Variants in PCDHGB2 observed in about 807,000 individuals in gnomAD.
The protein encoded by PCDHGB2 is protocadherin gamma subfamily B, 2, also known as protocadherin gamma-B2.
A neutral mutation model predicts 59.3 loss-of-function variants in PCDHGB2; 55 were observed. The observed-to-expected ratio is 0.93, with a 90% CI of 0.75 to 1.16. PCDHGB2 has a LOEUF of 1.16. Ranked by LOEUF, PCDHGB2 falls within the 50% of genes most tolerant of loss-of-function variation. PCDHGB2 has a pLI of 0.00. For missense variants in PCDHGB2, 1,228 were observed against 1,198.5 expected (o/e 1.02, Z -0.36); for synonymous variants, 516 against 512.0 (o/e 1.01, Z -0.11).
At chr5:141,405,355 A>G in intron 1 of PCDHGB2, 2 of 1,613,990 alleles carry the variant, frequency 1.2e-6, no homozygotes, top group South Asian at 1.1e-5. Flanking sequence ...AGTTTCCTAT[A>G]GAAGACACCC....
Position 141,360,632 on chromosome 5 carries a change from C to T in PCDHGB2, c.497C>T (p.Ser166Leu), listed in dbSNP as rs1367186780. 6.2e-7 allele frequency: 1 copy of T among 1,613,902 alleles called. No homozygotes were observed. Among genetic ancestry groups the T allele is most frequent in the Admixed American group, 1.7e-5 (1 of 60,014 alleles). Residue 166 changes from serine to leucine, a missense_variant, in exon 1 of 4, where the codon TCA (serine) becomes TTA (leucine). Around this residue, in one of 3 missense-constraint regions of PCDHGB2, gnomAD observed 781 missense variants for 721.6 expected, o/e 1.08. Transcript: ENST00000522605. ...CTGGATTCAGATGTTGGTCCTAACT[C>T]ACTACAAAGATACCACCTTAATGAC... ...PALDSDVGPN[S>L]LQRYHLNDNE...
Position 141,476,383 on chromosome 5 carries a change from C to G in PCDHGB2, c.2422-18424C>G, listed in dbSNP as rs547854431. ...GGGAGACCGGAGAGATGTTTGTGAACGACCGTCTGGATCGAGAGGAGCTGT... is the reference window on the plus strand; with the variant it reads ...GGGAGACCGGAGAGATGTTTGTGAAGGACCGTCTGGATCGAGAGGAGCTGT... On this transcript the variant is annotated intron_variant, in intron 1 of 3. Transcript: ENST00000522605. The surrounding 1 kb of genome is among the most constrained non-coding windows in gnomAD (Gnocchi z 7.6). 1.2e-6 allele frequency: 2 copies of G among 1,614,102 alleles called. No homozygotes were observed. Among genetic ancestry groups the G allele is most frequent in the Middle Eastern group, 3.3e-4 (2 of 6,062 alleles).
At chr5:141,376,521 C>T (rs567480751) in intron 1 of PCDHGB2, 5 of 1,613,810 alleles carry the variant, frequency 3.1e-6, no homozygotes, top group East Asian at 4.5e-5. Context: ...AGTTTCTTTC[C>T]GCCTAAGCGG....
intron 1 of PCDHGB2, among the ~76,000 whole-genome samples, chr5:141,443,866 T>C (rs1017854695): frequency 6.6e-6 from 1 of 151,986 alleles, no homozygotes; most frequent in Non-Finnish European, 1.5e-5. Context: ...ACTGAAAAAA[T>C]TACTGATAAG....
rs1054594374 is a variant in PCDHGB2 at position 141,489,607 on chromosome 5, A to G, written c.2422-5200A>G. On this transcript the variant is annotated intron_variant, in intron 1 of 3. Coordinates refer to ENST00000522605, the MANE Select transcript of PCDHGB2 (RefSeq NM_018923.3). This position sits in a 1 kb window ranked among gnomAD's most constrained non-coding sequence, Gnocchi z 4.5. ...GGAGCTAATCCGTGTAGAGGTAGAG[A>G]TCCTGGATCTCAATGACAACTCTCC... The G allele has an allele frequency of 6.2e-6, 10 of 1,613,850 alleles. No homozygotes were observed. The highest frequency in any genetic ancestry group is 8.5e-6 in the Non-Finnish European group (10 of 1,179,956).
chr5:141,401,654 G>T (rs566223613), intron 1 of PCDHGB2, among the ~76,000 whole-genome samples: 52 of 152,328 alleles, frequency 3.4e-4, no homozygotes, highest in Middle Eastern at 3.4e-3. Flanking sequence ...TAAATGACTG[G>T]ATGTTTTCTC....
intron 1 of PCDHGB2, among the ~76,000 whole-genome samples, chr5:141,386,242 G>A (rs1359369432): frequency 1.3e-5 from 2 of 152,146 alleles, no homozygotes; most frequent in Non-Finnish European, 2.9e-5. Flanking sequence ...AATTCAGTTG[G>A]AAATAACCCA....
chr5:141,362,663 G>A, intron 1 of PCDHGB2, 107 bp downstream of exon 1: 1 of 1,339,920 alleles, frequency 7.5e-7, no homozygotes. Flanking sequence ...TTTGGCCAAT[G>A]TTGTGCCTTA....
At chr5:141,495,814 T>C (rs2099764028) in intron 2 of PCDHGB2, among the ~76,000 whole-genome samples, 1 of 152,134 alleles carries the variant, frequency 6.6e-6, no homozygotes, top group Non-Finnish European at 1.5e-5. Context: ...TCCTAGCGCC[T>C]TGTGTTCTTC....
At position 141,432,266 on chromosome 5, in the gene PCDHGB2, T is replaced by A. The variant is rs1444077446; in HGVS notation, c.2422-62541T>A. The A allele has an allele frequency of 9.3e-6, 15 of 1,614,096 alleles. No individual in the cohort carries two copies. Among genetic ancestry groups the A allele is most frequent in the Admixed American group, 3.3e-5 (2 of 60,010 alleles). The stretch of plus-strand genomic sequence containing the variant: ...CACCATCCAAGGGGCAAGCCTATCG[T>A]CCTACGTGTCCATCAACTCCGACAC... On this transcript the variant is annotated intron_variant, in intron 1 of 3. Transcript: ENST00000522605. The surrounding 1 kb of genome is among the most constrained non-coding windows in gnomAD (Gnocchi z 6.0).
intron 1 of PCDHGB2, among the ~76,000 whole-genome samples, chr5:141,481,794 A>C (rs1433830305): frequency 6.6e-6 from 1 of 152,136 alleles, no homozygotes; most frequent in East Asian, 1.9e-4. Context: ...TCTACTAAAA[A>C]TACAAAAATT....
At position 141,436,288 on chromosome 5, in the gene PCDHGB2, C is replaced by T. The variant is rs533281663; in HGVS notation, c.2422-58519C>T. On this transcript the variant is annotated intron_variant, in intron 1 of 3. Coordinates refer to ENST00000522605, the MANE Select transcript of PCDHGB2 (RefSeq NM_018923.3). ...CACCTAACTTGATTTAGGAACAAATCATTGAGAGTTAGAGCATGAATAGTC... is the reference window on the plus strand; with the variant it reads ...CACCTAACTTGATTTAGGAACAAATTATTGAGAGTTAGAGCATGAATAGTC... 3.9e-3 allele frequency among the ~76,000 whole-genome samples: 590 copies of T among 152,274 alleles called. 9 individuals are homozygous for T. Among genetic ancestry groups the T allele is most frequent in the Middle Eastern group, 0.01 (3 of 294 alleles).
Position 141,361,423 on chromosome 5 carries a change from C to T in PCDHGB2, c.1288C>T (p.Pro430Ser), listed in dbSNP as rs760185392. Residue 430 changes from proline to serine, a missense_variant, in exon 1 of 4, where the codon CCG becomes TCG. Transcript: ENST00000522605. ...CATCACAGCCACCGACGGGGGCAAG[C>T]CGCCCCTCTCCTCCAGCATAATTGT... ...LTITATDGGK[P>S]PLSSSIIVTL... 2.5e-6 allele frequency: 4 copies of T among 1,613,938 alleles called. No homozygotes were observed. The highest frequency in any genetic ancestry group is 2.2e-5 in the South Asian group (2 of 91,092).
chr5:141,420,438 GC>G, intron 1 of PCDHGB2: 1 of 1,107,996 alleles, frequency 9.0e-7, no homozygotes, highest in Non-Finnish European at 1.2e-6. Flanking sequence ...TAAATTAAAT[GC>G]CTCAGTCTTC....
In PCDHGB2 at chr5:141,398,692, A is replaced by G. The variant is rs150385715; in HGVS notation, c.2421+36136A>G. 1.9e-3 allele frequency: 3,041 copies of G among 1,613,942 alleles called. 6 individuals carry two copies. Among genetic ancestry groups the G allele is most frequent in the Non-Finnish European group, 2.3e-3 (2,760 of 1,179,898 alleles). On this transcript the variant is annotated intron_variant, in intron 1 of 3. Coordinates refer to ENST00000522605, the MANE Select transcript of PCDHGB2 (RefSeq NM_018923.3). The stretch of plus-strand genomic sequence containing the variant: ...AATAATTAAGGAGAAACAGGATGGT[A>G]GTAAATACCCGGAACTGGCACTGGA...
intron 1 of PCDHGB2, 102 bp from the exon 2 acceptor site, chr5:141,494,705 G>A (rs2099756254): frequency 1.3e-6 from 2 of 1,597,990 alleles, no homozygotes; most frequent in East Asian, 2.2e-5. Context: ...TTTCTTCTCT[G>A]TGCCCACTCC....
Position 141,490,732 on chromosome 5 carries a change from G to T in PCDHGB2, c.2422-4075G>T, listed in dbSNP as rs775388969. 4 of 1,614,188 alleles carry T rather than the reference G, an allele frequency of 2.5e-6. No individual in the cohort carries two copies. Among genetic ancestry groups the T allele is most frequent in the Non-Finnish European group, 3.4e-6 (4 of 1,180,042 alleles). ...CACCTACTCCATTGTAGGAAATCAGGTTCAGGGAGCCCCAGCCTCCTCCTT... is the reference window on the plus strand; with the variant it reads ...CACCTACTCCATTGTAGGAAATCAGTTTCAGGGAGCCCCAGCCTCCTCCTT... On this transcript the variant is annotated intron_variant, in intron 1 of 3. Transcript: ENST00000522605. The surrounding 1 kb of genome is among the most constrained non-coding windows in gnomAD (Gnocchi z 5.4).
rs2092149511 is a variant in PCDHGB2 at position 141,390,449 on chromosome 5, G to A, written c.2421+27893G>A. The A allele has an allele frequency of 4.8e-6, 4 of 829,790 alleles. No individual in the cohort carries two copies. In the Admixed American group the frequency reaches 8.7e-5, roughly 18 times the overall value. 51.4% of individuals were successfully genotyped at this position (829,790 alleles called of 1,614,324 possible). ...TGTCATATCATTCTACAAAGGAGGAGTAAAGTAGGAGCAATTGTGTGGCCC... is the reference window on the plus strand; with the variant it reads ...TGTCATATCATTCTACAAAGGAGGAATAAAGTAGGAGCAATTGTGTGGCCC... On this transcript the variant is annotated intron_variant, in intron 1 of 3. Coordinates refer to ENST00000522605, the MANE Select transcript of PCDHGB2 (RefSeq NM_018923.3).
chr5:141,384,553 G>A (rs756336021), intron 1 of PCDHGB2: 3 of 1,614,152 alleles, frequency 1.9e-6, no homozygotes, highest in Admixed American at 1.7e-5. Context: ...GAGCCTGTTC[G>A]TGCTGGACCA....
Sources: gnomAD v4.1 joint callset for allele counts (sites outside exome capture counted in the v4.1 genomes callset) on GRCh38, gnomAD v4.1.1 for gene constraint, gnomAD v4.1.1 regional missense constraint, Gnocchi (gnomAD v3.1) non-coding constraint, MANE v1.5 for transcripts, NCBI Gene and HGNC (gene_info 2026-07-23, HGNC 2026-07-21) for gene names.